The following PUM3 variants were observed in gnomAD, a reference collection of about 807,000 sequenced individuals.
PUM3 encodes pumilio RNA binding family member 3.
PUM3 carries 91 observed loss-of-function variants against 84.0 expected under a neutral mutation model. The ratio of observed to expected loss-of-function variants is 1.08; its 90% CI spans 0.91 to 1.29. The LOEUF is 1.29. Among genes scored for constraint, PUM3 ranks in the 50% most tolerant of loss-of-function variants. The pLI is 0.00. For synonymous variants in PUM3, 321 were observed against 266.7 expected (o/e 1.20, Z -1.98); for missense variants, 1,067 against 767.5 (o/e 1.39, Z -4.61).
At chr9:2,826,934 G>C in intron 10 of PUM3, 139 bp downstream of exon 10, 1 of 661,792 alleles carries the variant, frequency 1.5e-6, no homozygotes, top group Non-Finnish European at 2.6e-6. Context: ...TGTTCAAAGG[G>C]AGTTGAGTAA....
intron 17 of PUM3, among the ~76,000 whole-genome samples, chr9:2,806,551 A>G (rs1821261897): frequency 6.6e-6 from 1 of 152,254 alleles, no homozygotes; most frequent in Admixed American, 6.5e-5. Context: ...CCAAACCTTA[A>G]TAACACAGCA....
At chr9:2,843,181 C>T (rs911151524) in intron 1 of PUM3, among the ~76,000 whole-genome samples, 1 of 152,126 alleles carries the variant, frequency 6.6e-6, no homozygotes, top group Non-Finnish European at 1.5e-5. Flanking sequence ...AAAAATTCCC[C>T]ATCATGACCT....
intron 3 of PUM3, 129 bp downstream of exon 3, chr9:2,837,051 T>G: frequency 1.3e-6 from 1 of 745,760 alleles, no homozygotes; most frequent in Non-Finnish European, 2.3e-6. Flanking sequence ...TGTTGTTTAT[T>G]TAAGCCACCT....
chr9:2,831,170 C>G (rs561593439), intron 6 of PUM3, 81 bp downstream of exon 6: 1 of 1,130,828 alleles, frequency 8.8e-7, no homozygotes, highest in Non-Finnish European at 1.3e-6. Context: ...AAATTGTTTT[C>G]TAGGACAGTC....
At chr9:2,817,856 T>C in intron 13 of PUM3, among the ~76,000 whole-genome samples, 1 of 152,198 alleles carries the variant, frequency 6.6e-6, no homozygotes. Flanking sequence ...TGCATCAATA[T>C]TTATTCACCC....
At chr9:2,820,330 A>AT (rs528873464) in intron 12 of PUM3, among the ~76,000 whole-genome samples, 12 of 151,592 alleles carry the variant, frequency 7.9e-5, no homozygotes, top group African/African-American at 9.7e-5. Context: ...GGTAAGGTTG[A>AT]TTTTTTTTTA....
chr9:2,817,436 C>A (rs1821495143), intron 13 of PUM3, among the ~76,000 whole-genome samples: 1 of 151,974 alleles, frequency 6.6e-6, no homozygotes, highest in South Asian at 2.1e-4. Flanking sequence ...ATATATACCC[C>A]ACAAAGGCTA....
intron 17 of PUM3, among the ~76,000 whole-genome samples, chr9:2,805,745 A>T (rs1821244084): frequency 6.6e-6 from 1 of 152,142 alleles, no homozygotes; most frequent in Non-Finnish European, 1.5e-5. Context: ...TTTTATATGC[A>T]TCATCCAATC....
intron 11 of PUM3, 51 bp from the exon 12 acceptor site, chr9:2,823,885 A>G (rs1170809543): frequency 2.2e-6 from 2 of 902,638 alleles, no homozygotes; most frequent in Admixed American, 2.7e-5. Flanking sequence ...TATTAAGGGT[A>G]TTTTGTAGTT....
chr9:2,831,260 CT>C lies in PUM3; in HGVS notation c.600del (p.Glu201AsnfsTer9), dbSNP rs745766505. The C allele has an allele frequency of 2.5e-6, 4 of 1,590,866 alleles. No homozygotes were observed. The African/African-American group carries it at 5.4e-5, about 21-fold the overall frequency. Reference sequence around the variant, plus strand: ...AGTATGTAATAAATACCTCGCAATTCTTCAAAAGCCTGTTTTCTCTGTTCTT... The same window carrying C: ...AGTATGTAATAAATACCTCGCAATTCTCAAAAGCCTGTTTTCTCTGTTCTT... ...GNEEQRKQAF[E>X]ELRDDLVELS... On this transcript the variant is annotated frameshift_variant, in exon 6 of 18. Coordinates refer to ENST00000397885, the MANE Select transcript of PUM3 (RefSeq NM_014878.5). LOFTEE classifies it high-confidence loss of function.
chr9:2,804,517 A>G (rs764939230), intron 17 of PUM3, 54 bp from the exon 18 acceptor site: 1 of 1,528,202 alleles, frequency 6.5e-7, no homozygotes, highest in Non-Finnish European at 8.9e-7. Flanking sequence ...CATCTCCAAT[A>G]CTACCTGTAC....
chr9:2,837,525 G>T, intron 2 of PUM3, 124 bp from the exon 3 acceptor site: 1 of 630,562 alleles, frequency 1.6e-6, no homozygotes, highest in Non-Finnish European at 2.7e-6. Flanking sequence ...TCTCAAATAT[G>T]CAACATATAG....
intron 9 of PUM3, among the ~76,000 whole-genome samples, chr9:2,828,115 C>G (rs1428550055): frequency 6.6e-6 from 1 of 152,202 alleles, no homozygotes; most frequent in Admixed American, 6.5e-5. Context: ...CCATGGCTCA[C>G]TGCAGCCATG....
intron 13 of PUM3, among the ~76,000 whole-genome samples, chr9:2,819,004 CAT>C (rs1016853312): frequency 5.9e-5 from 9 of 152,328 alleles, no homozygotes; most frequent in African/African-American, 1.4e-4. Context: ...GAAAGTACCA[CAT>C]GTCATCACTA....
At chr9:2,810,536 A>G (rs980389605) in intron 15 of PUM3, 105 bp from the exon 16 acceptor site, 7 of 743,394 alleles carry the variant, frequency 9.4e-6, no homozygotes, top group African/African-American at 3.6e-5. Context: ...ATAAGGACTC[A>G]GCCACTTTTA....
At position 2,831,334 on chromosome 9, in the gene PUM3, G is replaced by T; in HGVS notation, c.527C>A (p.Ala176Glu). 6.2e-7 allele frequency: 1 copy of T among 1,603,872 alleles called. No individual in the cohort carries two copies. The highest frequency in any genetic ancestry group is 8.5e-7 in the Non-Finnish European group (1 of 1,175,410). ...IQGKIKTIAF[A>E]HDSTRVIQCY... ...CTGGATCACACGAGTTGAATCGTGTGCAAATGCAATCTGCAGGAAAAAGTT... is the reference window on the plus strand; with the variant it reads ...CTGGATCACACGAGTTGAATCGTGTTCAAATGCAATCTGCAGGAAAAAGTT... The change falls in exon 6 of 18, where the codon GCA (alanine) becomes GAA (glutamate). Residue 176 changes from alanine (A) to glutamate (E), a missense_variant. Transcript: ENST00000397885.
intron 1 of PUM3, 108 bp from the exon 2 acceptor site, chr9:2,838,625 T>C (rs1319668646): frequency 1.9e-5 from 13 of 681,020 alleles, no homozygotes; most frequent in Non-Finnish European, 3.4e-5. Flanking sequence ...ACAAATACAA[T>C]ACAAATCAGC....
chr9:2,822,031 T>C, intron 12 of PUM3, among the ~76,000 whole-genome samples: 1 of 152,158 alleles, frequency 6.6e-6, no homozygotes, highest in East Asian at 1.9e-4. Flanking sequence ...TAGTACAAAA[T>C]CACTGGTTTC....
chr9:2,819,618 G>A (rs1821544492), intron 13 of PUM3, among the ~76,000 whole-genome samples: 1 of 152,060 alleles, frequency 6.6e-6, no homozygotes, highest in South Asian at 2.1e-4. Flanking sequence ...TAATTTAATA[G>A]GTCACAGATA....
Sources: allele counts gnomAD v4.1 joint callset (sites outside exome capture counted in the v4.1 genomes callset), GRCh38; gene constraint gnomAD v4.1.1; transcripts MANE v1.5; gene names NCBI Gene and HGNC (gene_info 2026-07-23, HGNC 2026-07-21).